SLC6A12: variants seen among roughly 807,000 people sequenced by gnomAD.
SLC6A12 encodes sodium- and chloride-dependent betaine transporter.
SLC6A12 carries 50 observed loss-of-function variants against 73.3 expected under a neutral mutation model. That is an observed-to-expected ratio of 0.68 (90% CI 0.54 to 0.86). The LOEUF (loss-of-function observed/expected upper bound fraction) is 0.86, where lower values mean the gene tolerates loss of function less well. Ranked by LOEUF, SLC6A12 falls within the 40% of genes least tolerant of loss-of-function variation. The pLI is 0.00. For missense variants in SLC6A12, 648 were observed against 772.8 expected (o/e 0.84, Z 1.92); for synonymous variants, 304 against 309.2 (o/e 0.98, Z 0.18).
At chr12:210,793 T>C (rs1420333702) in intron 2 of SLC6A12, among the ~76,000 whole-genome samples, 1 of 152,142 alleles carries the variant, frequency 6.6e-6, no homozygotes, top group African/African-American at 2.4e-5. Context: ...GGTGACCAAA[T>C]GACGGGCTCC....
intron 9 of SLC6A12, 32 bp from the exon 10 acceptor site, chr12:197,533 G>C: frequency 6.3e-7 from 1 of 1,599,688 alleles, no homozygotes; most frequent in South Asian, 1.1e-5. Flanking sequence ...AGACAGGAAC[G>C]GGGAGGAAAA....
At chr12:208,503 AAATGTTTCT>A (rs1415912650) in intron 3 of SLC6A12, among the ~76,000 whole-genome samples, 6 of 152,228 alleles carry the variant, frequency 3.9e-5, no homozygotes, top group Non-Finnish European at 5.9e-5. Flanking sequence ...TACCTTCCTG[AAATGTTTCT>A]AATATTTGCA....
chr12:210,410 C>A (rs1368788568), intron 2 of SLC6A12: 5 of 1,088,084 alleles, frequency 4.6e-6, no homozygotes, highest in Admixed American at 4.8e-5. Context: ...CTCAGCCTAG[C>A]CTCTGGCCTC....
intron 2 of SLC6A12, among the ~76,000 whole-genome samples, chr12:211,808 A>G (rs1286166981): frequency 1.3e-5 from 2 of 152,232 alleles, no homozygotes; most frequent in Admixed American, 6.5e-5. Context: ...GCTGTTAATG[A>G]TAATAACAAC....
rs1394864083 is a variant in SLC6A12, at chr12:198,721, A to G, written c.846+76T>C. On this transcript the variant is annotated intron_variant, in intron 8 of 15. Coordinates refer to ENST00000684302, the MANE Select transcript of SLC6A12 (RefSeq NM_001122848.3). This position sits in a 1 kb window ranked among gnomAD's most constrained non-coding sequence, Gnocchi z 4.0. ...TTGCTTTTAAACCAAGGAAAAAGCT[A>G]TACAAGACTTTCAAAACTACAGACC... is the stretch of plus-strand genomic sequence containing the variant. 10 of 1,369,520 alleles carry G rather than the reference A, an allele frequency of 7.3e-6. No individual in the cohort carries two copies. Among genetic ancestry groups the G allele is most frequent in the Non-Finnish European group, 1.0e-5 (10 of 976,932 alleles). 84.8% of individuals were successfully genotyped at this position (1,369,520 alleles called of 1,614,324 possible).
intron 2 of SLC6A12, chr12:210,265 C>T: frequency 1.7e-6 from 2 of 1,164,670 alleles, no homozygotes; most frequent in Non-Finnish European, 2.2e-6. Flanking sequence ...GTGATTCACC[C>T]AAGACCACTC....
intron 3 of SLC6A12, among the ~76,000 whole-genome samples, chr12:206,530 T>C (rs752250979): frequency 7.9e-5 from 12 of 152,384 alleles, no homozygotes; most frequent in South Asian, 4.1e-4. Context: ...ATTTTTTAAA[T>C]ACGCATTTCC....
At chr12:200,233 T>G (rs527846053) in intron 7 of SLC6A12, among the ~76,000 whole-genome samples, 6 of 149,158 alleles carry the variant, frequency 4.0e-5, no homozygotes, top group Non-Finnish European at 7.4e-5. Flanking sequence ...CTCAGCCTCC[T>G]GCATAGCTGG....
In SLC6A12 at chr12:197,158, C is replaced by CATCTATCCATCT. The variant is rs1565469088; in HGVS notation, c.1075+218_1075+219insAGATGGATAGAT. ...CCATCCATCCATCCATCCATCCATCCATCCATCCATCCATCCATCCATCCA... is the reference window on the plus strand; with the variant it reads ...CCATCCATCCATCCATCCATCCATCCATCTATCCATCTATCCATCCATCCATCCATCCATCCA... On this transcript the variant is annotated intron_variant, in intron 10 of 15. Coordinates refer to ENST00000684302, the MANE Select transcript of SLC6A12 (RefSeq NM_001122848.3). Among the ~76,000 whole-genome samples the CATCTATCCATCT allele has an allele frequency of 3.2e-3, 141 of 44,460 alleles. 1 individual carries two copies. Among genetic ancestry groups the CATCTATCCATCT allele is most frequent in the South Asian group, 8.4e-3 (13 of 1,546 alleles). The allele number at this position is 44,460 out of a possible 152,430, so 29.2% of individuals were successfully genotyped here.
chr12:187,108 C>A (rs117741961), downstream of SLC6A12, among the ~76,000 whole-genome samples: 17 of 152,330 alleles, frequency 1.1e-4, no homozygotes, highest in African/African-American at 2.9e-4. Context: ...TGCCTCAGGG[C>A]TTCTGCTGCA....
Position 197,599 on chromosome 12 carries a change from G to A in SLC6A12, c.951-98C>T, listed in dbSNP as rs1042791575. 1.9e-5 allele frequency: 25 copies of A among 1,298,462 alleles called. 1 individual carries two copies. The highest frequency in any genetic ancestry group is 4.4e-5 in the African/African-American group (3 of 67,466). 80.4% of individuals were successfully genotyped at this position (1,298,462 alleles called of 1,614,324 possible). A position where few individuals can be genotyped will look rare whatever the true frequency, so the allele number is the denominator to read the frequency against. On this transcript the variant is annotated intron_variant, in intron 9 of 15. Coordinates refer to ENST00000684302, the MANE Select transcript of SLC6A12 (RefSeq NM_001122848.3). ...GGAGAGGTCAAAAGACAGTGAGAGG[G>A]GACCAAGGAGAGAGAAGGGGGAGGC...
At chr12:195,200 T>TG in intron 13 of SLC6A12, 25 bp downstream of exon 13, 14 of 1,456,936 alleles carry the variant, frequency 9.6e-6, no homozygotes, top group East Asian at 4.5e-5. Context: ...CACCCTGCTT[T>TG]CCCACCCCAC....
rs764494122 is a variant in SLC6A12, at chr12:198,940, G to C, written c.712-9C>G. ...GCTGTGAAATAAACCACCTGGAGGT[G>C]GGGGGACAGGCCAAGGTCACTCCTG... On this transcript the variant is annotated splice_polypyrimidine_tract_variant and intron_variant, in intron 7 of 15. Coordinates refer to ENST00000684302, the MANE Select transcript of SLC6A12 (RefSeq NM_001122848.3). The surrounding 1 kb of genome is among the most constrained non-coding windows in gnomAD (Gnocchi z 4.0). The C allele has an allele frequency of 4.3e-6, 7 of 1,613,344 alleles. No individual in the cohort carries two copies. Among genetic ancestry groups the C allele is most frequent in the South Asian group, 1.1e-5 (1 of 91,058 alleles).
chr12:202,448 C>T (rs867645082), intron 5 of SLC6A12, among the ~76,000 whole-genome samples: 7 of 152,350 alleles, frequency 4.6e-5, no homozygotes, highest in Middle Eastern at 3.4e-3. Context: ...CCGTGTTTAA[C>T]ACACAGTAGG....
chr12:207,607 T>C (rs905457906), intron 3 of SLC6A12, among the ~76,000 whole-genome samples: 1 of 152,232 alleles, frequency 6.6e-6, no homozygotes, highest in Non-Finnish European at 1.5e-5. Flanking sequence ...TCAGGCCTTA[T>C]GGTCAGCTTG....
chr12:196,347 C>T, intron 11 of SLC6A12, 86 bp from the exon 12 acceptor site: 1 of 1,464,956 alleles, frequency 6.8e-7, no homozygotes. Flanking sequence ...CTGGCTCATC[C>T]ACACTGATGC....
chr12:206,533 G>A (rs950420148), intron 3 of SLC6A12, among the ~76,000 whole-genome samples: 48 of 152,202 alleles, frequency 3.2e-4, no homozygotes, highest in African/African-American at 1.0e-3. Context: ...TTTTAAATAC[G>A]CATTTCCAAA....
chr12:199,782 T>C (rs555999707), intron 7 of SLC6A12: 1 of 152,282 alleles, frequency 6.6e-6, no homozygotes, highest in East Asian at 1.9e-4. Context: ...GAATTCTGTC[T>C]ATGTGACAAG....
intron 6 of SLC6A12, 113 bp from the exon 7 acceptor site, chr12:200,896 G>T: frequency 1.7e-6 from 2 of 1,163,188 alleles, no homozygotes; most frequent in African/African-American, 1.5e-5. Context: ...ATATTCCAGG[G>T]CTTCCCCCAC....
Sources: allele counts gnomAD v4.1 joint callset (sites outside exome capture counted in the v4.1 genomes callset), GRCh38; gene constraint gnomAD v4.1.1; non-coding constraint Gnocchi (gnomAD v3.1); transcripts MANE v1.5; gene names NCBI Gene and HGNC (gene_info 2026-07-23, HGNC 2026-07-21).